Variants in USH2A observed in about 807,000 individuals in gnomAD.
USH2A encodes the protein usherin.
USH2A carries 443 observed loss-of-function variants against 538.9 expected under a neutral mutation model. That is an observed-to-expected ratio of 0.82 (90% CI 0.76 to 0.89). USH2A has a LOEUF of 0.89. Ranked by LOEUF, USH2A falls within the 40% of genes least tolerant of loss-of-function variation. The pLI is 0.00. For missense variants in USH2A, 6,633 were observed against 6,324.8 expected (o/e 1.05, Z -1.65); for synonymous variants, 2,413 against 2,273.5 (o/e 1.06, Z -1.75).
At chr1:216,123,667 T>G (rs773996491) in intron 21 of USH2A, among the ~76,000 whole-genome samples, 56 of 152,182 alleles carry the variant, frequency 3.7e-4, no homozygotes, top group Non-Finnish European at 7.8e-4. Context: ...TTGCTATAGT[T>G]TTATGTACAC....
intron 38 of USH2A, among the ~76,000 whole-genome samples, chr1:215,927,295 A>G (rs938572132): frequency 6.6e-6 from 1 of 152,076 alleles, no homozygotes. Context: ...TTCTTCCTTA[A>G]TTATCTCTAA....
At chr1:216,209,929 C>T (rs1354703138) in intron 15 of USH2A, among the ~76,000 whole-genome samples, 2 of 152,100 alleles carry the variant, frequency 1.3e-5, no homozygotes, top group African/African-American at 4.8e-5. Flanking sequence ...CCAAGGCAGG[C>T]CAGGGAAACT....
chr1:215,692,045 G>A (rs1045166424), intron 61 of USH2A, among the ~76,000 whole-genome samples: 1 of 152,208 alleles, frequency 6.6e-6, no homozygotes, highest in Non-Finnish European at 1.5e-5. Context: ...AATACAGTGT[G>A]TTCTCCTTGA....
intron 4 of USH2A, among the ~76,000 whole-genome samples, chr1:216,340,839 A>G (rs1446046981): frequency 6.6e-6 from 1 of 152,026 alleles, no homozygotes; most frequent in African/African-American, 2.4e-5. Flanking sequence ...TTGATGGAAC[A>G]TATCTCAAAA....
At chr1:215,915,996 A>G (rs1665942744) in intron 38 of USH2A, among the ~76,000 whole-genome samples, 3 of 133,274 alleles carry the variant, frequency 2.3e-5, no homozygotes, top group South Asian at 4.7e-4. Flanking sequence ...ATGAGAACAC[A>G]TGGACACATG....
At chr1:215,652,583 G>A (rs903556499) in intron 64 of USH2A, among the ~76,000 whole-genome samples, 1 of 152,088 alleles carries the variant, frequency 6.6e-6, no homozygotes, top group Admixed American at 6.5e-5. Flanking sequence ...TCAGAAATAG[G>A]TGAGGTCAGA....
chr1:216,233,626 C>T (rs1389816244), intron 13 of USH2A, among the ~76,000 whole-genome samples: 9 of 151,980 alleles, frequency 5.9e-5, no homozygotes, highest in Admixed American at 5.9e-4. Flanking sequence ...AAGTAGTACA[C>T]ACACAAAAAA....
At chr1:215,985,319 G>C (rs1211727232) in intron 35 of USH2A, among the ~76,000 whole-genome samples, 1 of 152,150 alleles carries the variant, frequency 6.6e-6, no homozygotes, top group Non-Finnish European at 1.5e-5. Flanking sequence ...CATTGAACAA[G>C]TAAAAGTAAC....
intron 13 of USH2A, among the ~76,000 whole-genome samples, chr1:216,245,498 AG>A (rs1471939016): frequency 2.6e-5 from 4 of 151,654 alleles, no homozygotes; most frequent in Non-Finnish European, 1.5e-5. Context: ...AGAGAGAGAG[AG>A]AGAGAGAGAG....
intron 44 of USH2A, among the ~76,000 whole-genome samples, chr1:215,848,596 A>G (rs970296481): frequency 1.3e-5 from 2 of 152,178 alleles, no homozygotes; most frequent in Non-Finnish European, 2.9e-5. Context: ...ACAACAGGAA[A>G]AGATGGTGAT....
chr1:215,914,039 A>G lies in USH2A; in HGVS notation c.7301-13134T>C, dbSNP rs144058700. ...CAGTGAACTGTACCACAAAACCTCT[A>G]CTAAGGTTAGCCATTGTCAAGCAAC... On this transcript the variant is annotated intron_variant, in intron 38 of 71. Coordinates refer to ENST00000307340, the MANE Select transcript of USH2A (RefSeq NM_206933.4). Among the ~76,000 whole-genome samples, 1,169 of 149,186 alleles carry G rather than the reference A, an allele frequency of 7.8e-3. 11 individuals carry two copies. Among genetic ancestry groups the G allele is most frequent in the African/African-American group, 0.028 (1,122 of 40,560 alleles).
intron 47 of USH2A, among the ~76,000 whole-genome samples, chr1:215,819,751 T>C (rs939058849): frequency 4.6e-5 from 7 of 151,808 alleles, no homozygotes; most frequent in Non-Finnish European, 8.8e-5. Context: ...TTGTGCAACA[T>C]AACTGTTAAG....
In USH2A at chr1:215,647,673, G is replaced by T. The variant is rs780655791; in HGVS notation, c.14640C>A (p.Pro4880=). The change falls in exon 67 of 72, where the codon CCC becomes CCA. Residue 4880 remains proline (P), a synonymous_variant. Coordinates refer to ENST00000307340, the MANE Select transcript of USH2A (RefSeq NM_206933.4). Reference sequence around the variant, plus strand: ...CCGTGTACTTTGTTTCTATTTGGCTGGGAGTACAGGGGAGGGCTGAGTCAG... The same window carrying T: ...CCGTGTACTTTGTTTCTATTTGGCTTGGAGTACAGGGGAGGGCTGAGTCAG... The part of the protein sequence containing the change: ...CPPDSALPCT[P]SQIETKYTGL... The T allele has an allele frequency of 6.2e-7, 1 of 1,614,166 alleles. No individual in the cohort carries two copies. The highest frequency in any genetic ancestry group is 8.5e-7 in the Non-Finnish European group (1 of 1,180,040).
chr1:215,808,675 C>T (rs1034491645), intron 49 of USH2A, among the ~76,000 whole-genome samples: 10 of 152,096 alleles, frequency 6.6e-5, no homozygotes, highest in African/African-American at 2.4e-4. Context: ...AATGCAGTCT[C>T]ACAGTTGGTA....
chr1:215,866,970 C>T (rs764650114), intron 44 of USH2A, 37 bp downstream of exon 44: 5 of 1,613,734 alleles, frequency 3.1e-6, no homozygotes, highest in Admixed American at 3.3e-5. Context: ...TTTAAAAATA[C>T]ACAAAGTGTT....
intron 21 of USH2A, among the ~76,000 whole-genome samples, chr1:216,145,170 A>G (rs968812998): frequency 3.3e-5 from 5 of 152,040 alleles, no homozygotes; most frequent in African/African-American, 1.2e-4. Context: ...ATTAATTTTT[A>G]TGTTATGTTC....
In USH2A at chr1:215,882,517, CAGAGAA is replaced by C. The variant is rs534531438; in HGVS notation, c.8224-3425_8224-3420del. 3.1e-3 allele frequency among the ~76,000 whole-genome samples: 477 copies of C among 152,162 alleles called. 5 individuals carry two copies. The highest frequency in any genetic ancestry group is 0.011 in the African/African-American group (456 of 41,534). ...TTCTATTTGTATTTTTTCAATCAGA[CAGAGAA>C]AGAGTACAAATATATAAATACAAGA... On this transcript the variant is annotated intron_variant, in intron 41 of 71. Coordinates refer to ENST00000307340, the MANE Select transcript of USH2A (RefSeq NM_206933.4).
At chr1:216,276,153 C>T (rs1171526815) in intron 11 of USH2A, among the ~76,000 whole-genome samples, 1 of 152,146 alleles carries the variant, frequency 6.6e-6, no homozygotes, top group Non-Finnish European at 1.5e-5. Flanking sequence ...CTCAACTTTA[C>T]AGTGGATAAA....
At chr1:216,086,684 G>T in intron 24 of USH2A, 35 bp downstream of exon 24, 2 of 1,441,290 alleles carry the variant, frequency 1.4e-6, no homozygotes, top group Non-Finnish European at 2.0e-6. Flanking sequence ...TTCTAAGTTT[G>T]GATGACAACA....
Sources: gnomAD v4.1 joint callset for allele counts (sites outside exome capture counted in the v4.1 genomes callset) on GRCh38, gnomAD v4.1.1 for gene constraint, MANE v1.5 for transcripts, NCBI Gene and HGNC (gene_info 2026-07-23, HGNC 2026-07-21) for gene names.